The following SSBP2 variants were observed in gnomAD, a reference collection of about 807,000 sequenced individuals.
SSBP2 encodes single stranded DNA binding protein 2.
Under a neutral mutation model 61.8 loss-of-function variants are expected in SSBP2, and 17 were observed. The observed-to-expected ratio is 0.28, with a 90% CI of 0.19 to 0.41. The LOEUF is 0.41. SSBP2 is among the 10% of genes least tolerant of loss of function. SSBP2 has a pLI of 1.00. For synonymous variants in SSBP2, 139 were observed against 141.3 expected (o/e 0.98, Z 0.12); for missense variants, 310 against 458.7 (o/e 0.68, Z 2.96).
intron 6 of SSBP2, among the ~76,000 whole-genome samples, chr5:81,482,489 T>C (rs1766066766): frequency 6.6e-6 from 1 of 152,190 alleles, no homozygotes; most frequent in Non-Finnish European, 1.5e-5. Flanking sequence ...TGCAGTAGAA[T>C]CATCAGGACT....
intron 1 of SSBP2, among the ~76,000 whole-genome samples, chr5:81,696,710 C>T (rs183396749): frequency 1.3e-5 from 2 of 152,290 alleles, no homozygotes; most frequent in East Asian, 3.9e-4. Context: ...AATTTACATA[C>T]CACCTTTTGA....
intron 9 of SSBP2, among the ~76,000 whole-genome samples, chr5:81,464,840 C>T (rs1764781811): frequency 6.6e-6 from 1 of 151,940 alleles, no homozygotes; most frequent in African/African-American, 2.4e-5. Context: ...GCTACAAATA[C>T]GTTAGGAATA....
chr5:81,619,560 T>C (rs1746352167), intron 3 of SSBP2, among the ~76,000 whole-genome samples: 2 of 148,084 alleles, frequency 1.4e-5, no homozygotes, highest in Admixed American at 1.3e-4. Context: ...TCTGAAACTA[T>C]TCCAATCAAT....
intron 9 of SSBP2, among the ~76,000 whole-genome samples, chr5:81,461,763 C>CA (rs1332215467): frequency 2.0e-5 from 3 of 151,982 alleles, no homozygotes. Flanking sequence ...TAATCTATGC[C>CA]AATATATTAC....
rs1761363757 is a variant in SSBP2 at position 81,417,594 on chromosome 5, A to G, written c.*2910T>C. The stretch of plus-strand genomic sequence containing the variant: ...GAATGCATTGATAAAGATGGAAAAC[A>G]CAAGAGAAAAACATTAAATAGTCTT... On this transcript the variant is annotated 3_prime_UTR_variant, in exon 17 of 17. Transcript: ENST00000320672. 1 of 152,254 alleles carries G rather than the reference A, an allele frequency of 6.6e-6. No individual in the cohort carries two copies. Among genetic ancestry groups the G allele is most frequent in the Non-Finnish European group, 1.5e-5 (1 of 68,040 alleles). 9.4% of individuals were successfully genotyped at this position (152,254 alleles called of 1,614,324 possible).
At chr5:81,421,383 G>A (rs1337366324) in intron 16 of SSBP2, among the ~76,000 whole-genome samples, 1 of 151,982 alleles carries the variant, frequency 6.6e-6, no homozygotes, top group East Asian at 1.9e-4. Context: ...TGTAGAGATG[G>A]GGTTTCACCA....
At position 81,751,096 on chromosome 5, in the gene SSBP2, T is replaced by A. The variant is rs570208893; in HGVS notation, c.-54A>T. The A allele has an allele frequency of 6.5e-6, 10 of 1,542,396 alleles. 1 individual carries two copies. In the South Asian group the frequency reaches 1.2e-4, roughly 18 times the overall value. ...ACGCACCTGTCAACCCATCACAGCC[T>A]CCCCGGGAACAGCCCCGTCCCCATG... On this transcript the variant is annotated 5_prime_UTR_variant, in exon 1 of 17. Coordinates refer to ENST00000320672, the MANE Select transcript of SSBP2 (RefSeq NM_012446.5).
chr5:81,536,616 A>G (rs529803228), intron 4 of SSBP2, among the ~76,000 whole-genome samples: 94 of 152,324 alleles, frequency 6.2e-4, no homozygotes, highest in South Asian at 5.2e-3. Flanking sequence ...AGATGTTTAC[A>G]GTAGCTTTAT....
rs368814908 is a variant in SSBP2, at chr5:81,700,288, C to CTG, written c.63-49951_63-49950dup. ...CAGAACTCTTAGGTGACAAAGTGCA[C>CTG]TGTCAAGGAGCAGTGAAAAAGAAAG... On this transcript the variant is annotated intron_variant, in intron 1 of 16. Transcript: ENST00000320672. 4.9e-3 allele frequency among the ~76,000 whole-genome samples: 753 copies of CTG among 152,298 alleles called. 3 individuals carry two copies. Among genetic ancestry groups the CTG allele is most frequent in the African/African-American group, 0.017 (707 of 41,564 alleles).
intron 6 of SSBP2, 75 bp downstream of exon 6, chr5:81,489,175 C>A: frequency 7.9e-7 from 1 of 1,265,776 alleles, no homozygotes; most frequent in Non-Finnish European, 1.1e-6. Context: ...CATATTTTTA[C>A]AGGATGATAA....
At chr5:81,619,648 C>A (rs541864029) in intron 3 of SSBP2, among the ~76,000 whole-genome samples, 22 of 122,224 alleles carry the variant, frequency 1.8e-4, no homozygotes, top group Middle Eastern at 4.0e-3. Context: ...GAGACACAAC[C>A]AAAAAAGAGA....
At chr5:81,472,664 ATCT>A in intron 8 of SSBP2, among the ~76,000 whole-genome samples, 1 of 152,142 alleles carries the variant, frequency 6.6e-6, no homozygotes, top group South Asian at 2.1e-4. Flanking sequence ...CAATGGCGCG[ATCT>A]TGTCTCACTG....
intron 1 of SSBP2, among the ~76,000 whole-genome samples, chr5:81,691,891 G>T (rs186184279): frequency 3.3e-5 from 5 of 152,244 alleles, no homozygotes; most frequent in African/African-American, 1.2e-4. Context: ...TTTCAGGGGT[G>T]CAAGGATGGT....
chr5:81,535,562 T>C (rs921501166), intron 4 of SSBP2, among the ~76,000 whole-genome samples: 4 of 151,866 alleles, frequency 2.6e-5, no homozygotes, highest in African/African-American at 9.7e-5. Flanking sequence ...AATAGACAAA[T>C]AGGTCAATGG....
intron 1 of SSBP2, among the ~76,000 whole-genome samples, chr5:81,730,263 C>T (rs1204787673): frequency 6.6e-6 from 1 of 152,108 alleles, no homozygotes; most frequent in African/African-American, 2.4e-5. Context: ...TTCGCTCTGT[C>T]GCCCAGGCTG....
At chr5:81,449,494 C>T (rs1457741950) in intron 10 of SSBP2, among the ~76,000 whole-genome samples, 1 of 152,140 alleles carries the variant, frequency 6.6e-6, no homozygotes, top group African/African-American at 2.4e-5. Flanking sequence ...AGATGCTGTA[C>T]ATCCATAAGA....
chr5:81,573,875 T>C (rs776228950), intron 4 of SSBP2, among the ~76,000 whole-genome samples: 1 of 152,148 alleles, frequency 6.6e-6, no homozygotes, highest in Non-Finnish European at 1.5e-5. Flanking sequence ...GCGCAGTGGC[T>C]CATGCCTGTA....
intron 2 of SSBP2, among the ~76,000 whole-genome samples, chr5:81,648,066 CAAGG>C (rs1749420812): frequency 6.6e-6 from 1 of 151,974 alleles, no homozygotes; most frequent in Non-Finnish European, 1.5e-5. Context: ...GTCCTTGATA[CAAGG>C]AAGGAGATCA....
chr5:81,595,189 A>T (rs2153534228), intron 4 of SSBP2, among the ~76,000 whole-genome samples: 1 of 152,364 alleles, frequency 6.6e-6, no homozygotes, highest in East Asian at 1.9e-4. Context: ...AATACAACCT[A>T]CCATCAGAAA....
Sources: allele counts gnomAD v4.1 joint callset (sites outside exome capture counted in the v4.1 genomes callset), GRCh38; gene constraint gnomAD v4.1.1; transcripts MANE v1.5; gene names NCBI Gene and HGNC (gene_info 2026-07-23, HGNC 2026-07-21).